Variants in RPP30 observed in about 807,000 individuals in gnomAD.
RPP30 encodes ribonuclease P/MRP subunit p30, also known as ribonuclease P protein subunit p30.
RPP30 carries 36 observed loss-of-function variants against 38.6 expected under a neutral mutation model. That is an observed-to-expected ratio of 0.93 (90% CI 0.71 to 1.23). RPP30 has a LOEUF of 1.23. Among genes scored for constraint, RPP30 ranks in the 50% most tolerant of loss-of-function variants. The probability of loss-of-function intolerance (pLI) is 0.00; values close to 1 mark genes in which losing one functional copy is unlikely to be tolerated. For missense variants in RPP30, 321 were observed against 321.7 expected, an observed-to-expected ratio of 1.00 and a Z score of 0.02; for synonymous variants, 126 against 112.7, an observed-to-expected ratio of 1.12 and a Z score of -0.75.
intron 10 of RPP30, among the ~76,000 whole-genome samples, chr10:90,898,320 TTAGC>T (rs1214953411): frequency 1.3e-5 from 2 of 152,222 alleles, no homozygotes. Context: ...TGTGACCTTA[TTAGC>T]ACTTCTATTC....
chr10:90,885,799 T>C lies in RPP30; in HGVS notation c.343-13T>C. 1.3e-6 allele frequency: 2 copies of C among 1,594,904 alleles called. No homozygotes were observed. The highest frequency in any genetic ancestry group is 1.7e-6 in the Non-Finnish European group (2 of 1,165,586). On this transcript the variant is annotated splice_polypyrimidine_tract_variant and intron_variant, in intron 5 of 10. Coordinates refer to ENST00000371703, the MANE Select transcript of RPP30 (RefSeq NM_006413.5). ...TTTCCTTTTGGCCTTACCTATTTTT[T>C]TCTTCTTTACAGATTGCTTGCACAC...
chr10:90,895,645 T>G (rs1847131121), intron 8 of RPP30, 162 bp downstream of exon 8: 2 of 499,274 alleles, frequency 4.0e-6, no homozygotes, highest in Non-Finnish European at 6.8e-6. Context: ...TATCCCCACT[T>G]TCTTTAGGCT....
At chr10:90,878,622 G>A (rs967570000) in intron 4 of RPP30, among the ~76,000 whole-genome samples, 7 of 151,924 alleles carry the variant, frequency 4.6e-5, no homozygotes, top group Admixed American at 1.3e-4. Flanking sequence ...CCCCTCAAGT[G>A]TCTGGGACAT....
chr10:90,907,207 T>G (rs1179083946), downstream of RPP30, among the ~76,000 whole-genome samples: 2 of 152,228 alleles, frequency 1.3e-5, no homozygotes, highest in African/African-American at 2.4e-5. Context: ...GTTGAAGTTA[T>G]GCCACATGAG....
rs776377426 is a variant in RPP30, at chr10:90,876,007, A to C, written c.196-17A>C. On this transcript the variant is annotated splice_polypyrimidine_tract_variant and intron_variant, in intron 3 of 10. Coordinates refer to ENST00000371703, the MANE Select transcript of RPP30 (RefSeq NM_006413.5). Reference sequence around the variant, plus strand: ...TTGTCTTTTGTGCTTTTTTGACATCATGTCTTTTTTAAATAGGGAAAATCA... The same window carrying C: ...TTGTCTTTTGTGCTTTTTTGACATCCTGTCTTTTTTAAATAGGGAAAATCA... 21 of 1,355,084 alleles carry C rather than the reference A, an allele frequency of 1.5e-5. No individual in the cohort carries two copies. In the Admixed American group the frequency reaches 3.4e-4, roughly 22 times the overall value. 83.9% of individuals were successfully genotyped at this position (1,355,084 alleles called of 1,614,324 possible). A position where few individuals can be genotyped will look rare whatever the true frequency, so the allele number is the denominator to read the frequency against.
chr10:90,895,252 CAT>C (rs1170190844), intron 7 of RPP30, 200 bp from the exon 8 acceptor site: 4 of 486,024 alleles, frequency 8.2e-6, no homozygotes, highest in East Asian at 7.7e-5. Flanking sequence ...GTTAGGAAAA[CAT>C]ATTTTGTTTT....
intron 6 of RPP30, among the ~76,000 whole-genome samples, chr10:90,892,959 AAGCTTGGCAG>A (rs1564714347): frequency 1.3e-5 from 2 of 152,236 alleles, no homozygotes; most frequent in African/African-American, 2.4e-5. Flanking sequence ...AGAAGTGTGC[AAGCTTGGCAG>A]AGCCAATGAG....
downstream of RPP30, chr10:90,903,292 T>C (rs1847222941): frequency 1.3e-6 from 2 of 1,540,796 alleles, no homozygotes; most frequent in East Asian, 2.3e-5. Flanking sequence ...TACCCAAGTA[T>C]ACATTTATCT....
Position 90,894,767 on chromosome 10 carries a change from C to T in RPP30, c.433-8C>T, listed in dbSNP as rs746575341. Reference sequence around the variant, plus strand: ...TATCTCTGACAGTTCTCTTTATTTCCTGTGAAGGCGATTGACCGAGGCCTG... The same window carrying T: ...TATCTCTGACAGTTCTCTTTATTTCTTGTGAAGGCGATTGACCGAGGCCTG... On this transcript the variant is annotated splice_polypyrimidine_tract_variant and splice_region_variant and intron_variant, in intron 6 of 10. Transcript: ENST00000371703. The T allele has an allele frequency of 2.5e-6, 4 of 1,598,792 alleles. No homozygotes were observed. The African/African-American group carries it at 5.4e-5, about 21-fold the overall frequency.
intron 1 of RPP30, among the ~76,000 whole-genome samples, chr10:90,873,529 G>A (rs1846810906): frequency 1.3e-5 from 2 of 152,194 alleles, no homozygotes; most frequent in African/African-American, 4.8e-5. Flanking sequence ...AATATACTGT[G>A]TAAATTAAAA....
chr10:90,894,106 C>T (rs1472391727), intron 6 of RPP30, among the ~76,000 whole-genome samples: 1 of 151,996 alleles, frequency 6.6e-6, no homozygotes, highest in Non-Finnish European at 1.5e-5. Flanking sequence ...GCTATAAGCC[C>T]AGTGAAAAAT....
At chr10:90,881,786 T>G (rs1001091074) in intron 5 of RPP30, among the ~76,000 whole-genome samples, 2 of 152,214 alleles carry the variant, frequency 1.3e-5, no homozygotes, top group African/African-American at 4.8e-5. Flanking sequence ...GTAAGTTGAT[T>G]ATCTAGAATT....
At chr10:90,883,826 C>A (rs1179737026) in intron 5 of RPP30, among the ~76,000 whole-genome samples, 5 of 152,160 alleles carry the variant, frequency 3.3e-5, no homozygotes, top group African/African-American at 9.7e-5. Flanking sequence ...TACAAAGGTA[C>A]TGAAAAGTAT....
At chr10:90,882,501 A>G (rs1396368279) in intron 5 of RPP30, among the ~76,000 whole-genome samples, 1 of 151,472 alleles carries the variant, frequency 6.6e-6, no homozygotes, top group East Asian at 2.0e-4. Context: ...GACTCCACTA[A>G]AAATTCAAAA....
At chr10:90,884,360 T>A (rs1171278000) in intron 5 of RPP30, among the ~76,000 whole-genome samples, 1 of 152,210 alleles carries the variant, frequency 6.6e-6, no homozygotes, top group Non-Finnish European at 1.5e-5. Flanking sequence ...TTATACTGAT[T>A]TAAAGACCTT....
At chr10:90,904,899 A>G (rs943981922), downstream of RPP30, among the ~76,000 whole-genome samples, 4 of 152,244 alleles carry the variant, frequency 2.6e-5, no homozygotes, top group African/African-American at 9.6e-5. Flanking sequence ...TTAGGAAAAA[A>G]CTAAGTCAAA....
At chr10:90,907,460 C>T (rs1242436047), downstream of RPP30, among the ~76,000 whole-genome samples, 1 of 152,328 alleles carries the variant, frequency 6.6e-6, no homozygotes, top group East Asian at 1.9e-4. Context: ...ACCATTCTCA[C>T]AACTCTATAT....
chr10:90,873,570 C>T (rs1846811459), intron 1 of RPP30, among the ~76,000 whole-genome samples: 1 of 152,206 alleles, frequency 6.6e-6, no homozygotes, highest in Admixed American at 6.5e-5. Flanking sequence ...GAAGTAAGTA[C>T]TCCTAAGCTG....
downstream of RPP30, chr10:90,903,058 A>G (rs1260649119): frequency 1.5e-6 from 1 of 658,994 alleles, no homozygotes; most frequent in Non-Finnish European, 2.7e-6. Context: ...CACTTTGGAA[A>G]GGTTTGGAAA....
Sources: gnomAD v4.1 joint callset for allele counts (sites outside exome capture counted in the v4.1 genomes callset) on GRCh38, gnomAD v4.1.1 for gene constraint, MANE v1.5 for transcripts, NCBI Gene and HGNC (gene_info 2026-07-23, HGNC 2026-07-21) for gene names.